The following TJP2 variants were observed in gnomAD, a reference collection of about 807,000 sequenced individuals.
The protein encoded by TJP2 is Friedreich ataxia region gene X104 (tight junction protein ZO-2).
In TJP2, 91 loss-of-function variants were observed where a neutral mutation model predicts 133.1. That is an observed-to-expected ratio of 0.68 (90% CI 0.58 to 0.81). The LOEUF (loss-of-function observed/expected upper bound fraction) is 0.81, where lower values mean the gene tolerates loss of function less well. Among genes scored for constraint, TJP2 ranks in the 40% least tolerant of loss-of-function variants. TJP2 has a pLI of 0.00. For synonymous variants in TJP2, 592 were observed against 583.4 expected (o/e 1.01, Z -0.21); for missense variants, 1,541 against 1,565.6 (o/e 0.98, Z 0.26).
intron 2 of TJP2, chr9:69,151,810 G>C: frequency 2.4e-6 from 3 of 1,231,922 alleles, no homozygotes; most frequent in Non-Finnish European, 3.0e-6. Context: ...CTAGTTACTG[G>C]TCTCCCCCAA....
chr9:69,222,216 C>A (rs1248540930), intron 5 of TJP2, among the ~76,000 whole-genome samples: 1 of 149,712 alleles, frequency 6.7e-6, no homozygotes, highest in Non-Finnish European at 1.5e-5. Flanking sequence ...ACTGTGTCAC[C>A]CTGGCTGGAG....
chr9:69,130,825 G>T lies in TJP2; in HGVS notation c.-131+9100G>T, dbSNP rs530764356. 7.2e-5 allele frequency among the ~76,000 whole-genome samples: 11 copies of T among 152,292 alleles called. No homozygotes were observed. The South Asian group carries it at 2.3e-3, about 32-fold the overall frequency. ...AGAAATGGACAGAGGGTTATGAGGA[G>T]ACCTGGGTGAGTGAAGACCCACAAA... On this transcript the variant is annotated intron_variant, in intron 1 of 5. Transcript: ENST00000423935.
chr9:69,195,681 C>A (rs1588025219), intron 1 of TJP2, among the ~76,000 whole-genome samples: 1 of 152,144 alleles, frequency 6.6e-6, no homozygotes. Flanking sequence ...GTGTTTCAGG[C>A]CCCCCCTTTT....
intron 1 of TJP2, among the ~76,000 whole-genome samples, chr9:69,201,437 C>T (rs1251086015): frequency 1.3e-5 from 2 of 151,530 alleles, no homozygotes; most frequent in East Asian, 1.9e-4. Flanking sequence ...CTCCCCACCC[C>T]GCTAATCCTG....
At chr9:69,214,085 G>A (rs1253074666) in intron 2 of TJP2, among the ~76,000 whole-genome samples, 1 of 152,090 alleles carries the variant, frequency 6.6e-6, no homozygotes, top group South Asian at 2.1e-4. Flanking sequence ...ACTGGGCTTA[G>A]ATACATATAT....
chr9:69,139,472 CAT>C (rs1212289439), intron 1 of TJP2, among the ~76,000 whole-genome samples: 1 of 152,150 alleles, frequency 6.6e-6, no homozygotes, highest in Non-Finnish European at 1.5e-5. Flanking sequence ...AATGTGAAGA[CAT>C]AGAGAAAAGA....
At chr9:69,132,800 T>A (rs1440359888) in intron 1 of TJP2, among the ~76,000 whole-genome samples, 1 of 152,134 alleles carries the variant, frequency 6.6e-6, no homozygotes, top group Non-Finnish European at 1.5e-5. Flanking sequence ...CTAGGGTACC[T>A]ACCTGGTAGG....
intron 13 of TJP2, among the ~76,000 whole-genome samples, chr9:69,236,655 C>G (rs901186491): frequency 2.0e-5 from 3 of 152,086 alleles, no homozygotes; most frequent in African/African-American, 7.2e-5. Context: ...AGAAAAGAGG[C>G]CTGTATTTGA....
chr9:69,222,017 G>A (rs533426783), intron 5 of TJP2, among the ~76,000 whole-genome samples: 3 of 151,706 alleles, frequency 2.0e-5, no homozygotes, highest in South Asian at 4.2e-4. Context: ...GATCACAGGC[G>A]TGCACCACCA....
chr9:69,186,732 C>G (rs953006811), intron 1 of TJP2, among the ~76,000 whole-genome samples: 1 of 152,202 alleles, frequency 6.6e-6, no homozygotes, highest in Non-Finnish European at 1.5e-5. Flanking sequence ...ATAAATATTT[C>G]AGCTAGTAGT....
At chr9:69,228,463 A>C (rs1829514233) in intron 9 of TJP2, among the ~76,000 whole-genome samples, 2 of 152,244 alleles carry the variant, frequency 1.3e-5, no homozygotes, top group Non-Finnish European at 2.9e-5. Flanking sequence ...AGCATCATGC[A>C]GTATATGCAT....
At chr9:69,135,211 T>C (rs1349582715) in intron 1 of TJP2, among the ~76,000 whole-genome samples, 1 of 151,718 alleles carries the variant, frequency 6.6e-6, no homozygotes, top group Non-Finnish European at 1.5e-5. Context: ...GAGTAAATAA[T>C]CATGGCTGGC....
rs1563946539 is a variant in TJP2, at chr9:69,236,993, C to CT, written c.2037dup (p.Gly680TrpfsTer41). On this transcript the variant is annotated frameshift_variant, in exon 14 of 23. Transcript: ENST00000377245. LOFTEE classifies it high-confidence loss of function. ...GTTCAAAATGCCCAGAGAGACAACG[C>CT]TGGGGACCGGGCAGATTTCTGGAGA... 1 of 1,614,216 alleles carries CT rather than the reference C, an allele frequency of 6.2e-7. No homozygotes were observed. Among genetic ancestry groups the CT allele is most frequent in the Non-Finnish European group, 8.5e-7 (1 of 1,180,040 alleles).
intron 1 of TJP2, among the ~76,000 whole-genome samples, chr9:69,179,693 G>A (rs1324876385): frequency 6.6e-6 from 1 of 151,774 alleles, no homozygotes; most frequent in Non-Finnish European, 1.5e-5. Flanking sequence ...TAGAGACGGG[G>A]TTTCACCATG....
intron 20 of TJP2, 110 bp from the exon 21 acceptor site, chr9:69,250,925 G>A: frequency 8.7e-7 from 1 of 1,155,352 alleles, no homozygotes; most frequent in Non-Finnish European, 1.3e-6. Context: ...AATGGTATTT[G>A]TGGACCACCT....
chr9:69,178,698 G>A (rs140147783), intron 1 of TJP2, among the ~76,000 whole-genome samples: 2,661 of 152,280 alleles, frequency 0.017, 32 homozygotes, highest in Non-Finnish European at 0.029. Context: ...AGAGCTAGCT[G>A]TTTGTTTTAA....
intron 2 of TJP2, among the ~76,000 whole-genome samples, chr9:69,162,566 C>A (rs1040572195): frequency 6.6e-6 from 1 of 152,188 alleles, no homozygotes; most frequent in African/African-American, 2.4e-5. Flanking sequence ...AGTATTTATT[C>A]AGCCAATTAT....
At chr9:69,130,352 T>C (rs985091224) in intron 1 of TJP2, among the ~76,000 whole-genome samples, 1 of 152,218 alleles carries the variant, frequency 6.6e-6, no homozygotes, top group African/African-American at 2.4e-5. Context: ...TTGAGGGTTC[T>C]TTGAGACAGT....
At chr9:69,216,016 C>G (rs1248553453) in intron 2 of TJP2, among the ~76,000 whole-genome samples, 1 of 152,194 alleles carries the variant, frequency 6.6e-6, no homozygotes, top group African/African-American at 2.4e-5. Flanking sequence ...AGAGGTACAA[C>G]TGGTGCTTCA....
Sources: gnomAD v4.1 joint callset for allele counts (sites outside exome capture counted in the v4.1 genomes callset) on GRCh38, gnomAD v4.1.1 for gene constraint, MANE v1.5 for transcripts, NCBI Gene and HGNC (gene_info 2026-07-23, HGNC 2026-07-21) for gene names.